THRB: variants seen among roughly 807,000 people sequenced by gnomAD.
The protein encoded by THRB is nuclear receptor subfamily 1 group A member 2.
In THRB, 12 loss-of-function variants were observed where a neutral mutation model predicts 47.8. That is an observed-to-expected ratio of 0.25 (90% confidence interval 0.16 to 0.41). The LOEUF (loss-of-function observed/expected upper bound fraction) is 0.41, where lower values mean the gene tolerates loss of function less well. Among genes scored for constraint, THRB ranks in the 10% least tolerant of loss-of-function variants. THRB has a pLI of 1.00. For missense variants in THRB, 348 were observed against 589.2 expected, an observed-to-expected ratio of 0.59 and a Z score of 4.24; for synonymous variants, 218 against 212.2, an observed-to-expected ratio of 1.03 and a Z score of -0.24.
chr3:24,249,899 G>T (rs184004948), intron 3 of THRB, among the ~76,000 whole-genome samples: 10 of 152,290 alleles, frequency 6.6e-5, no homozygotes, highest in Admixed American at 6.5e-4. Context: ...GTTTTTGCTA[G>T]TATTTCCACA....
At chr3:24,259,427 A>G (rs1171675964) in intron 3 of THRB, among the ~76,000 whole-genome samples, 1 of 152,206 alleles carries the variant, frequency 6.6e-6, no homozygotes, top group African/African-American at 2.4e-5. Context: ...TGACAGAAGC[A>G]GAAATGAACA....
intron 1 of THRB, among the ~76,000 whole-genome samples, chr3:24,433,926 T>C (rs1034444726): frequency 6.6e-6 from 1 of 152,196 alleles, no homozygotes; most frequent in Non-Finnish European, 1.5e-5. Context: ...TCTAGGCCTC[T>C]ATCCCTCAGC....
At chr3:24,428,252 G>A (rs1347332659) in intron 1 of THRB, among the ~76,000 whole-genome samples, 1 of 152,002 alleles carries the variant, frequency 6.6e-6, no homozygotes, top group Non-Finnish European at 1.5e-5. Flanking sequence ...TACCTACTAT[G>A]TGCCTGGCAT....
chr3:24,419,455 T>TA lies in THRB; in HGVS notation c.-261+75196dup, dbSNP rs992698189. ...AATCTAGGCTTCCTGCCCTGGGCAT[T>TA]AAAAAATTCTATTTAGGGTTCATTT... On this transcript the variant is annotated intron_variant, in intron 1 of 10. Transcript: ENST00000646209. Among the ~76,000 whole-genome samples, 150 of 151,874 alleles carry TA rather than the reference T, an allele frequency of 9.9e-4. 4 individuals carry two copies. Among genetic ancestry groups the TA allele is most frequent in the African/African-American group, 2.7e-4 (11 of 41,430 alleles).
intron 9 of THRB, 56 bp downstream of exon 9, chr3:24,133,260 G>A (rs2034144883): frequency 6.3e-7 from 1 of 1,585,254 alleles, no homozygotes; most frequent in Non-Finnish European, 8.7e-7. Flanking sequence ...CAGTATTCCT[G>A]GAAACTGATG....
At chr3:24,406,958 C>T (rs2067874401) in intron 1 of THRB, among the ~76,000 whole-genome samples, 2 of 151,848 alleles carry the variant, frequency 1.3e-5, no homozygotes, top group African/African-American at 4.8e-5. Context: ...ACTTCTAGGT[C>T]TATGGGAATA....
rs1341693448 is a variant in THRB, at chr3:24,299,783, TTA to T, written c.-188-2414_-188-2413del. 7.5e-4 allele frequency among the ~76,000 whole-genome samples: 42 copies of T among 56,234 alleles called. 2 individuals carry two copies. The highest frequency in any genetic ancestry group is 2.9e-3 in the African/African-American group (39 of 13,236). The allele number at this position is 56,234 out of a possible 152,430, so 36.9% of individuals were successfully genotyped here. The stretch of plus-strand genomic sequence containing the variant: ...GAAGTATGCTTTTTTATTTATTTAT[TTA>T]TTTATTTTTTTTTTTTTAGCAAACA... On this transcript the variant is annotated intron_variant, in intron 2 of 10. Transcript: ENST00000646209.
At chr3:24,223,634 T>C (rs2150031005) in intron 4 of THRB, among the ~76,000 whole-genome samples, 1 of 152,284 alleles carries the variant, frequency 6.6e-6, no homozygotes, top group East Asian at 1.9e-4. Context: ...TGGCTTGAAA[T>C]TCTTTGTATT....
At position 24,390,852 on chromosome 3, in the gene THRB, G is replaced by A. The variant is rs1241460131; in HGVS notation, c.-260-53481C>T. Among the ~76,000 whole-genome samples the A allele has an allele frequency of 9.3e-5, 14 of 150,374 alleles. No individual in the cohort carries two copies. The South Asian group carries it at 2.9e-3, about 32-fold the overall frequency. ...AATTCTTGGAATTAAAAACTCATAG[G>A]TAGAATATTGGCCCCAATTCTCCAT... On this transcript the variant is annotated intron_variant, in intron 1 of 10. Transcript: ENST00000646209.
chr3:24,467,342 A>G (rs1448146019), intron 1 of THRB, among the ~76,000 whole-genome samples: 1 of 152,174 alleles, frequency 6.6e-6, no homozygotes, highest in Non-Finnish European at 1.5e-5. Context: ...ACTTCTTCCA[A>G]ACTCCTGTTA....
chr3:24,468,010 T>C (rs1001448811), intron 1 of THRB, among the ~76,000 whole-genome samples: 1 of 152,246 alleles, frequency 6.6e-6, no homozygotes, highest in Non-Finnish European at 1.5e-5. Context: ...GCTATTTTCA[T>C]CAATTATCTT....
chr3:24,410,852 T>A (rs1167749519), intron 1 of THRB, among the ~76,000 whole-genome samples: 1 of 151,868 alleles, frequency 6.6e-6, no homozygotes, highest in Admixed American at 6.6e-5. Flanking sequence ...GCCTGAATGA[T>A]CTATGTTGGC....
chr3:24,342,353 A>G (rs2062723961), intron 1 of THRB, among the ~76,000 whole-genome samples: 1 of 152,164 alleles, frequency 6.6e-6, no homozygotes, highest in Non-Finnish European at 1.5e-5. Context: ...ACAGGGGAGA[A>G]TGAGGCATCC....
intron 1 of THRB, among the ~76,000 whole-genome samples, chr3:24,351,834 G>A (rs913603443): frequency 6.6e-5 from 10 of 152,138 alleles, no homozygotes; most frequent in African/African-American, 2.4e-4. Flanking sequence ...GATGGTGACC[G>A]GGACTAAGTG....
In THRB at chr3:24,249,072, C is replaced by T. The variant is rs185664166; in HGVS notation, c.-42-20071G>A. 6.2e-4 allele frequency among the ~76,000 whole-genome samples: 95 copies of T among 152,290 alleles called. 1 individual carries two copies. The highest frequency in any genetic ancestry group is 2.2e-3 in the African/African-American group (92 of 41,554). On this transcript the variant is annotated intron_variant, in intron 3 of 10. Coordinates refer to ENST00000646209, the MANE Select transcript of THRB (RefSeq NM_001354712.2). ...TGTGAAAGTGCAGTAGCAGAAACAA[C>T]ACCGTTGACTTAATGCAAATCTGTT... is the stretch of plus-strand genomic sequence containing the variant.
chr3:24,490,056 A>T (rs1385408584), intron 1 of THRB, among the ~76,000 whole-genome samples: 2 of 152,166 alleles, frequency 1.3e-5, no homozygotes, highest in Non-Finnish European at 2.9e-5. Flanking sequence ...GGGCCATATG[A>T]GAGACTCCAA....
chr3:24,475,551 A>G (rs1043633036), intron 1 of THRB, among the ~76,000 whole-genome samples: 3 of 152,204 alleles, frequency 2.0e-5, no homozygotes, highest in African/African-American at 4.8e-5. Context: ...AGATAGATAT[A>G]GATAGATATA....
At chr3:24,236,137 C>G (rs1459345489) in intron 3 of THRB, among the ~76,000 whole-genome samples, 1 of 152,126 alleles carries the variant, frequency 6.6e-6, no homozygotes, top group African/African-American at 2.4e-5. Context: ...TTTTCCTTAT[C>G]CCCCTCATAG....
chr3:24,139,207 A>G lies in THRB; in HGVS notation c.738+4294T>C, dbSNP rs576395159. 4.6e-5 allele frequency among the ~76,000 whole-genome samples: 7 copies of G among 152,316 alleles called. No individual in the cohort carries two copies. In the East Asian group the frequency reaches 1.3e-3, roughly 29 times the overall value. ...AAAACTAGAAAATTATATGATTTAA[A>G]TGCTTTTGGGAGAAGCTTTAAAGAG... On this transcript the variant is annotated intron_variant, in intron 8 of 10. Transcript: ENST00000646209.
Sources: allele counts gnomAD v4.1 joint callset (sites outside exome capture counted in the v4.1 genomes callset), GRCh38; gene constraint gnomAD v4.1.1; transcripts MANE v1.5; gene names NCBI Gene and HGNC (gene_info 2026-07-23, HGNC 2026-07-21).